Variants in DIAPH2 observed in about 807,000 individuals in gnomAD.
The protein encoded by DIAPH2 is diaphanous related formin 2.
In DIAPH2, 35 loss-of-function variants were observed where a neutral mutation model predicts 92.7. The ratio of observed to expected loss-of-function variants is 0.38; its 90% CI spans 0.29 to 0.50. The LOEUF is 0.50. DIAPH2 is among the 20% of genes least tolerant of loss of function. The pLI, the probability that DIAPH2 is intolerant of heterozygous loss-of-function variation, is 0.94. For missense variants in DIAPH2, 701 were observed against 819.5 expected (o/e 0.86, Z 1.77); for synonymous variants, 301 against 280.4 (o/e 1.07, Z -0.73).
intron 12 of DIAPH2, 150 bp downstream of exon 12, chrX:96,939,532 A>G (rs182860865): frequency 0.088 from 3,840 of 43,836 alleles, 329 homozygotes; most frequent in African/African-American, 0.19. Context: ...ATATATATGT[A>G]TATATATATG....
intron 23 of DIAPH2, among the ~76,000 whole-genome samples, chrX:97,257,474 G>A (rs2068247300): frequency 9.0e-6 from 1 of 111,327 alleles, no homozygotes; most frequent in Non-Finnish European, 1.9e-5. Flanking sequence ...TTATCGTATC[G>A]AAAGCAAATA....
intron 22 of DIAPH2, among the ~76,000 whole-genome samples, chrX:97,203,514 C>A (rs2067770376): frequency 8.9e-6 from 1 of 111,806 alleles, no homozygotes; most frequent in Non-Finnish European, 1.9e-5. Flanking sequence ...CACAGAAATA[C>A]AAACTACCAT....
chrX:96,759,498 T>C (rs1359930222), intron 4 of DIAPH2, among the ~76,000 whole-genome samples: 1 of 111,679 alleles, frequency 9.0e-6, no homozygotes, highest in Non-Finnish European at 1.9e-5. Context: ...AGGTGATGCA[T>C]AGGGTTTTAC....
chrX:97,090,472 C>G (rs1223609405), intron 19 of DIAPH2, among the ~76,000 whole-genome samples: 1 of 109,821 alleles, frequency 9.1e-6, no homozygotes, highest in Non-Finnish European at 1.9e-5. Flanking sequence ...TCCCCCTGAT[C>G]TCATTCTTTC....
chrX:96,723,681 CAT>C (rs1441004926), intron 1 of DIAPH2, among the ~76,000 whole-genome samples: 16 of 111,740 alleles, frequency 1.4e-4, no homozygotes, highest in Non-Finnish European at 2.8e-4. Context: ...GAACTAACTC[CAT>C]ATGTTTCATC....
At chrX:96,987,638 A>G (rs780462508) in intron 17 of DIAPH2, among the ~76,000 whole-genome samples, 25 of 111,720 alleles carry the variant, frequency 2.2e-4, no homozygotes, top group Non-Finnish European at 3.8e-4. Flanking sequence ...ACTGATGTGT[A>G]TTAACTGAAT....
At chrX:96,873,720 A>G (rs1602584347) in intron 4 of DIAPH2, among the ~76,000 whole-genome samples, 1 of 110,431 alleles carries the variant, frequency 9.1e-6, no homozygotes, top group Middle Eastern at 4.7e-3. Flanking sequence ...ACACACACAC[A>G]TATATAACAC....
intron 25 of DIAPH2, among the ~76,000 whole-genome samples, chrX:97,427,519 A>G (rs1449527003): frequency 8.9e-6 from 1 of 111,781 alleles, no homozygotes; most frequent in African/African-American, 3.3e-5. Context: ...ACAACTGTAA[A>G]GTGTCAACTG....
At chrX:96,855,543 G>GAT (rs779929197) in intron 4 of DIAPH2, among the ~76,000 whole-genome samples, 9 of 108,306 alleles carry the variant, frequency 8.3e-5, no homozygotes, top group African/African-American at 3.0e-4. Context: ...TGAAGATGAG[G>GAT]ATAGACTAAG....
intron 23 of DIAPH2, among the ~76,000 whole-genome samples, chrX:97,264,787 C>T (rs751959129): frequency 5.4e-5 from 6 of 111,419 alleles, no homozygotes; most frequent in Non-Finnish European, 1.1e-4. Flanking sequence ...AGTTCAATAC[C>T]AGCCTGGCCA....
intron 17 of DIAPH2, among the ~76,000 whole-genome samples, chrX:97,028,340 T>C (rs2066349205): frequency 9.0e-6 from 1 of 111,096 alleles, no homozygotes; most frequent in Non-Finnish European, 1.9e-5. Flanking sequence ...TCTAACCTTT[T>C]CTCTCAGCTA....
At chrX:97,149,956 G>A (rs184214229) in intron 22 of DIAPH2, among the ~76,000 whole-genome samples, 138 of 110,019 alleles carry the variant, frequency 1.3e-3, no homozygotes, top group African/African-American at 4.5e-3. Context: ...ACAAATGACT[G>A]TCTTTAAAAT....
chrX:97,251,818 G>A (rs2068191635), intron 23 of DIAPH2, among the ~76,000 whole-genome samples: 1 of 111,231 alleles, frequency 9.0e-6, no homozygotes, highest in South Asian at 3.8e-4. Context: ...TAGTTTCTTT[G>A]ACTTGCTTCA....
chrX:97,275,372 GC>G (rs751179241), intron 23 of DIAPH2, among the ~76,000 whole-genome samples: 1,006 of 99,846 alleles, frequency 0.01, 20 homozygotes, highest in African/African-American at 0.036. Flanking sequence ...GGCGGGGGCT[GC>G]CCCCCCCACC....
intron 25 of DIAPH2, among the ~76,000 whole-genome samples, chrX:97,415,624 G>A (rs1281548556): frequency 3.0e-5 from 3 of 98,702 alleles, no homozygotes; most frequent in East Asian, 3.4e-4. Flanking sequence ...AACACCGCAT[G>A]TTCTCACTCA....
At chrX:97,190,851 A>AAT (rs1387410968) in intron 22 of DIAPH2, among the ~76,000 whole-genome samples, 1 of 108,332 alleles carries the variant, frequency 9.2e-6, no homozygotes, top group East Asian at 2.9e-4. Context: ...AAAAAAAAAA[A>AAT]AAATTCATAG....
In DIAPH2 at chrX:96,948,828, TG is replaced by T. The variant is rs112434202; in HGVS notation, c.1510-104del. ...ACAAGCTGTGATTTTCTGAGTGATC[TG>T]GGAATTCAACTAAGTAAAAACCACT... On this transcript the variant is annotated intron_variant, in intron 14 of 26. Transcript: ENST00000324765. 3.9e-4 allele frequency: 140 copies of T among 363,515 alleles called. 1 individual carries two copies. Among genetic ancestry groups the T allele is most frequent in the African/African-American group, 3.2e-3 (119 of 37,366 alleles). The allele number at this position is 363,515 out of a possible 1,213,427, so 30.0% of individuals were successfully genotyped here.
chrX:96,719,924 G>A (rs1449752073), intron 1 of DIAPH2, among the ~76,000 whole-genome samples: 1 of 111,729 alleles, frequency 9.0e-6, no homozygotes, highest in East Asian at 2.8e-4. Flanking sequence ...AAGTGATCGG[G>A]ATTTTTACAA....
intron 15 of DIAPH2, among the ~76,000 whole-genome samples, chrX:96,951,956 T>G (rs971234972): frequency 1.8e-5 from 2 of 111,885 alleles, no homozygotes; most frequent in Non-Finnish European, 3.8e-5. Context: ...TATATTACTT[T>G]GAATTATGTT....
Sources: gnomAD v4.1 joint callset for allele counts (sites outside exome capture counted in the v4.1 genomes callset) on GRCh38, gnomAD v4.1.1 for gene constraint, MANE v1.5 for transcripts, NCBI Gene and HGNC (gene_info 2026-07-23, HGNC 2026-07-21) for gene names.